The following CACNB2 variants were observed in gnomAD, a reference collection of about 807,000 sequenced individuals.
CACNB2 encodes the protein voltage-dependent L-type calcium channel subunit beta-2.
A neutral mutation model predicts 73.3 loss-of-function variants in CACNB2; 42 were observed. The observed-to-expected ratio is 0.57, with a 90% CI of 0.45 to 0.74. The LOEUF (loss-of-function observed/expected upper bound fraction) is 0.74. CACNB2 is among the 30% of genes least tolerant of loss of function. The pLI, the probability that CACNB2 is intolerant of heterozygous loss-of-function variation, is 0.00. For synonymous variants in CACNB2, 348 were observed against 310.3 expected, an observed-to-expected ratio of 1.12 and a Z score of -1.28; for missense variants, 940 against 853.0, an observed-to-expected ratio of 1.10 and a Z score of -1.27.
At chr10:18,464,560 C>T (rs1361915276) in intron 3 of CACNB2, among the ~76,000 whole-genome samples, 1 of 152,118 alleles carries the variant, frequency 6.6e-6, no homozygotes, top group Non-Finnish European at 1.5e-5. Context: ...TGATTGCCCA[C>T]CTCTACCACC....
chr10:18,535,980 C>T (rs2053533529), intron 11 of CACNB2, 121 bp from the exon 12 acceptor site: 1 of 657,550 alleles, frequency 1.5e-6, no homozygotes, highest in Non-Finnish European at 2.7e-6. Context: ...CTTATAGCTC[C>T]ATCTATTATA....
At chr10:18,370,303 TG>T (rs2042524982) in intron 2 of CACNB2, among the ~76,000 whole-genome samples, 1 of 136,026 alleles carries the variant, frequency 7.4e-6, no homozygotes, top group African/African-American at 2.7e-5. Flanking sequence ...TTTTTTCATT[TG>T]TTTTTTTGAG....
chr10:18,340,623 C>T, intron 2 of CACNB2: 1 of 1,227,848 alleles, frequency 8.1e-7, no homozygotes, highest in South Asian at 1.8e-5. Flanking sequence ...AGGCGTCTGT[C>T]TTCCAAGCCA....
At chr10:18,492,567 G>A (rs921691648) in intron 3 of CACNB2, among the ~76,000 whole-genome samples, 17 of 130,584 alleles carry the variant, frequency 1.3e-4, no homozygotes, top group Non-Finnish European at 2.3e-4. Context: ...ATTGCAGTGC[G>A]CCAAGATCGC....
At chr10:18,261,265 T>A (rs1237399505) in intron 2 of CACNB2, 2 of 1,551,270 alleles carry the variant, frequency 1.3e-6, no homozygotes, top group Non-Finnish European at 1.7e-6. Context: ...TTCTGCCCCC[T>A]CTTCATGCAG....
At chr10:18,266,636 C>T (rs1225446393) in intron 2 of CACNB2, among the ~76,000 whole-genome samples, 1 of 152,080 alleles carries the variant, frequency 6.6e-6, no homozygotes, top group Non-Finnish European at 1.5e-5. Flanking sequence ...CGCCTGTAAT[C>T]TCAGCACTTT....
chr10:18,527,130 C>T (rs2052550924), intron 9 of CACNB2, among the ~76,000 whole-genome samples: 1 of 151,898 alleles, frequency 6.6e-6, no homozygotes, highest in South Asian at 2.1e-4. Context: ...CCTATAATCC[C>T]AGCACTTTGG....
chr10:18,282,531 G>A (rs1452157013), intron 2 of CACNB2, among the ~76,000 whole-genome samples: 1 of 152,204 alleles, frequency 6.6e-6, no homozygotes, highest in East Asian at 1.9e-4. Context: ...GATGGAAAGA[G>A]TAATAGGACC....
chr10:18,454,099 T>G (rs565125952), intron 3 of CACNB2, among the ~76,000 whole-genome samples: 1 of 152,330 alleles, frequency 6.6e-6, no homozygotes, highest in African/African-American at 2.4e-5. Flanking sequence ...TCTCTTGAAA[T>G]GTAAACAGGA....
At chr10:18,308,785 C>A (rs1564424044) in intron 2 of CACNB2, among the ~76,000 whole-genome samples, 1 of 152,196 alleles carries the variant, frequency 6.6e-6, no homozygotes, top group Admixed American at 6.5e-5. Context: ...ACACCTTTGG[C>A]TCTTGGCAAA....
chr10:18,141,762 G>T (rs1169977038), intron 1 of CACNB2, among the ~76,000 whole-genome samples: 2 of 152,134 alleles, frequency 1.3e-5, no homozygotes, highest in African/African-American at 4.8e-5. Context: ...CTTTTCTCCC[G>T]GCAGGGAAAT....
chr10:18,536,246 T>TTCTTTTC, intron 12 of CACNB2, 50 bp downstream of exon 12: 1 of 437,374 alleles, frequency 2.3e-6, no homozygotes, highest in Non-Finnish European at 3.8e-6. Context: ...ATCAGACCTT[T>TTCTTTTC]TTTTTTTTTT....
chr10:18,358,495 A>ACGCT (rs2042009687), intron 2 of CACNB2, among the ~76,000 whole-genome samples: 5 of 104,254 alleles, frequency 4.8e-5, no homozygotes, highest in African/African-American at 1.9e-4. Context: ...TCTAATGAGC[A>ACGCT]CGCTCTCTCT....
At chr10:18,307,983 C>CTTTATTTTTTTTTT (rs2039803882) in intron 2 of CACNB2, among the ~76,000 whole-genome samples, 1 of 70,268 alleles carries the variant, frequency 1.4e-5, no homozygotes, top group Non-Finnish European at 2.7e-5. Context: ...TATATGCCAA[C>CTTTATTTTTTTTTT]TTTTTTTTTT....
chr10:18,437,650 C>G (rs762017158), intron 3 of CACNB2, among the ~76,000 whole-genome samples: 21 of 152,140 alleles, frequency 1.4e-4, no homozygotes, highest in Non-Finnish European at 2.5e-4. Flanking sequence ...TGTCTGTATT[C>G]TGAGGAAGAA....
At chr10:18,219,647 T>C (rs1435939605) in intron 2 of CACNB2, among the ~76,000 whole-genome samples, 1 of 152,168 alleles carries the variant, frequency 6.6e-6, no homozygotes, top group African/African-American at 2.4e-5. Context: ...ATACAAAAAC[T>C]TGGGGAAATT....
At chr10:18,263,903 A>G (rs143960030) in intron 2 of CACNB2, among the ~76,000 whole-genome samples, 136 of 152,346 alleles carry the variant, frequency 8.9e-4, no homozygotes, top group African/African-American at 3.1e-3. Context: ...TTGATGTTCA[A>G]TATCTAGTCT....
At chr10:18,443,903 C>T (rs776272099) in intron 3 of CACNB2, among the ~76,000 whole-genome samples, 12 of 151,980 alleles carry the variant, frequency 7.9e-5, no homozygotes, top group Non-Finnish European at 1.2e-4. Context: ...TTAATAGAGA[C>T]GAGGTTTCGC....
intron 2 of CACNB2, among the ~76,000 whole-genome samples, chr10:18,362,608 A>G (rs936004325): frequency 6.6e-6 from 1 of 152,256 alleles, no homozygotes; most frequent in Non-Finnish European, 1.5e-5. Flanking sequence ...TTTTAAGTCC[A>G]TAACGTGTTA....
Sources: gnomAD v4.1 joint callset for allele counts (sites outside exome capture counted in the v4.1 genomes callset) on GRCh38, gnomAD v4.1.1 for gene constraint, MANE v1.5 for transcripts, NCBI Gene and HGNC (gene_info 2026-07-23, HGNC 2026-07-21) for gene names.